Variants in ZDBF2 observed in about 807,000 individuals in gnomAD.
ZDBF2 encodes the protein zinc finger DBF-type containing 2.
In ZDBF2, 6 loss-of-function variants were observed where a neutral mutation model predicts 9.4. The ratio of observed to expected loss-of-function variants is 0.64; its 90% CI spans 0.35 to 1.27. The LOEUF (loss-of-function observed/expected upper bound fraction) is 1.27. ZDBF2 is among the 50% of genes most tolerant of loss of function. ZDBF2 has a pLI of 0.03. For synonymous variants in ZDBF2, 905 were observed against 946.3 expected (o/e 0.96, Z 0.80); for missense variants, 2,697 against 2,766.8 (o/e 0.97, Z 0.57).
Position 206,310,905 on chromosome 2 carries a change from C to T in ZDBF2, c.6377C>T (p.Ser2126Phe), listed in dbSNP as rs1559163082. Residue 2126 changes from serine (S) to phenylalanine (F), a missense_variant, in exon 5 of 5, where the codon TCT becomes TTT. Ser to Phe is a radical substitution (Grantham distance 155, BLOSUM62 -2). Transcript: ENST00000374423. ...FNSHQGTSDS[S>F]LFLEESKVLH... ...TCACATCAGGGAACCAGTGACTCTT[C>T]TCTGTTTCTGGAAGAATCAAAGGTT... The T allele has an allele frequency of 1.2e-6, 2 of 1,613,890 alleles. No individual in the cohort carries two copies. The highest frequency in any genetic ancestry group is 2.2e-5 in the East Asian group (1 of 44,878).
chr2:206,277,475 T>C (rs1410717392), intron 1 of ZDBF2, among the ~76,000 whole-genome samples: 1 of 152,102 alleles, frequency 6.6e-6, no homozygotes, highest in Non-Finnish European at 1.5e-5. Context: ...AACATAGTCA[T>C]TTTTTAAAAA....
intron 3 of ZDBF2, among the ~76,000 whole-genome samples, chr2:206,296,692 T>C (rs1692196037): frequency 6.6e-6 from 1 of 152,212 alleles, no homozygotes; most frequent in South Asian, 2.1e-4. Flanking sequence ...ACCATACGTG[T>C]GGTTTTTGCA....
At position 206,279,589 on chromosome 2, in the gene ZDBF2, C is replaced by G. The variant is rs1430850716; in HGVS notation, c.-53C>G. 1 of 151,960 alleles carries G rather than the reference C, an allele frequency of 6.6e-6. No individual in the cohort carries two copies. Among genetic ancestry groups the G allele is most frequent in the African/African-American group, 2.4e-5 (1 of 41,344 alleles). The allele number at this position is 151,960 out of a possible 1,614,324, so 9.4% of individuals were successfully genotyped here. A position where few individuals can be genotyped will look rare whatever the true frequency, so the allele number is the denominator to read the frequency against. Reference sequence around the variant, plus strand: ...GATGAAATACCTGACCTTTTCTGCTCCAGGTAAATAATTTTTTACTTTATA... The same window carrying G: ...GATGAAATACCTGACCTTTTCTGCTGCAGGTAAATAATTTTTTACTTTATA... On this transcript the variant is annotated 5_prime_UTR_variant, in exon 2 of 5. Transcript: ENST00000374423.
chr2:206,305,496 A>G lies in ZDBF2; in HGVS notation c.968A>G (p.Glu323Gly), dbSNP rs750079418. Reference sequence around the variant, plus strand: ...ATGCCTTCTAATAAAGGAATCTTTGAAGATACTATTGCAAAGAACCATGAG... The same window carrying G: ...ATGCCTTCTAATAAAGGAATCTTTGGAGATACTATTGCAAAGAACCATGAG... ...TDMPSNKGIFEDTIAKNHEEF... is the reference protein window; with the variant it reads ...TDMPSNKGIFGDTIAKNHEEF... Residue 323 changes from glutamate (E) to glycine (G), a missense_variant, in exon 5 of 5, where the codon GAA (glutamate) becomes GGA (glycine). Transcript: ENST00000374423. The G allele has an allele frequency of 6.2e-7, 1 of 1,612,962 alleles. No homozygotes were observed. The highest frequency in any genetic ancestry group is 8.5e-7 in the Non-Finnish European group (1 of 1,179,624).
chr2:206,281,201 GA>G (rs544828415), intron 2 of ZDBF2, among the ~76,000 whole-genome samples: 219 of 152,152 alleles, frequency 1.4e-3, no homozygotes, highest in Non-Finnish European at 2.8e-3. Context: ...ACAGTAATAG[GA>G]AAAAAATCCC....
In ZDBF2 at chr2:206,290,428, A is replaced by G. The variant is rs953710358; in HGVS notation, c.61-6818A>G. 2.2e-4 allele frequency among the ~76,000 whole-genome samples: 33 copies of G among 152,250 alleles called. 1 individual carries two copies. The highest frequency in any genetic ancestry group is 2.0e-4 in the Admixed American group (3 of 15,286). ...CTGATAGGGATTGTGTTGAATCTGT[A>G]GATACATTCATGGGGAATGTATATC... is the stretch of plus-strand genomic sequence containing the variant. On this transcript the variant is annotated intron_variant, in intron 3 of 4. Transcript: ENST00000374423.
Position 206,305,643 on chromosome 2 carries a change from A to T in ZDBF2, c.1115A>T (p.Gln372Leu). 1 of 1,613,732 alleles carries T rather than the reference A, an allele frequency of 6.2e-7. No homozygotes were observed. Among genetic ancestry groups the T allele is most frequent in the Non-Finnish European group, 8.5e-7 (1 of 1,179,792 alleles). Residue 372 changes from glutamine to leucine, a missense_variant, in exon 5 of 5, where the codon CAG becomes CTG. Physicochemically the swap from Gln to Leu is moderately radical, Grantham distance 113 (BLOSUM62 -2). This residue lies in a region of ZDBF2 where 910 missense variants were observed against 973.6 expected (regional missense o/e 0.93). Transcript: ENST00000374423. ...ATGAAGTTTGATTGTATCTCTCTTC[A>T]GTCAGCATCTGATCAGCCCCAAGAG... ...SEMKFDCISL[Q>L]SASDQPQETA...
At chr2:206,276,482 A>G (rs958382765) in intron 1 of ZDBF2, among the ~76,000 whole-genome samples, 2 of 152,214 alleles carry the variant, frequency 1.3e-5, no homozygotes, top group Non-Finnish European at 2.9e-5. Context: ...TTTCTTTGGA[A>G]TAGTGGTGAT....
intron 4 of ZDBF2, 134 bp downstream of exon 4, chr2:206,297,507 T>A: frequency 1.1e-6 from 1 of 883,484 alleles, no homozygotes; most frequent in Non-Finnish European, 1.7e-6. Flanking sequence ...TAACTTTCAT[T>A]TGCAATTTAA....
Position 206,314,263 on chromosome 2 carries a change from C to CTTTTTTTTTT in ZDBF2, c.*2678_*2687dup. On this transcript the variant is annotated 3_prime_UTR_variant, in exon 5 of 5. Transcript: ENST00000374423. Reference sequence around the variant, plus strand: ...TATGTAACTAGGGCTGTGAGTAACACTTTTTTTTTTTTTTTTTGGTTAAAG... The same window carrying CTTTTTTTTTT: ...TATGTAACTAGGGCTGTGAGTAACACTTTTTTTTTTTTTTTTTTTTTTTTTTTGGTTAAAG... The CTTTTTTTTTT allele has an allele frequency of 7.7e-6, 1 of 129,790 alleles. No homozygotes were observed. Among genetic ancestry groups the CTTTTTTTTTT allele is most frequent in the Non-Finnish European group, 1.6e-5 (1 of 62,192 alleles). The allele number at this position is 129,790 out of a possible 1,614,324, so 8.0% of individuals were successfully genotyped here.
intron 4 of ZDBF2, among the ~76,000 whole-genome samples, chr2:206,297,676 T>G (rs1246639052): frequency 3.3e-5 from 5 of 152,078 alleles, no homozygotes; most frequent in Admixed American, 6.6e-5. Context: ...AAGAGATAGT[T>G]TTTTTTGTTT....
Position 206,306,814 on chromosome 2 carries a change from T to C in ZDBF2, c.2286T>C (p.Thr762=), listed in dbSNP as rs764612538. The change falls in exon 5 of 5, where the codon ACT becomes ACC. Residue 762 remains threonine, a synonymous_variant. Transcript: ENST00000374423. The part of the protein sequence containing the change: ...FDSDPPLLSV[T]EQSHLDAEGK... ...CTGACCCGCCTCTTCTGTCAGTTAC[T>C]GAGCAGTCTCATCTGGATGCTGAAG... 1 of 1,613,926 alleles carries C rather than the reference T, an allele frequency of 6.2e-7. No individual in the cohort carries two copies. Among genetic ancestry groups the C allele is most frequent in the African/African-American group, 1.3e-5 (1 of 75,058 alleles).
At chr2:206,280,200 T>A (rs2105896423) in intron 2 of ZDBF2, among the ~76,000 whole-genome samples, 1 of 152,334 alleles carries the variant, frequency 6.6e-6, no homozygotes, top group Non-Finnish European at 1.5e-5. Flanking sequence ...GGTCCTGGCA[T>A]GTTAATTTTT....
rs1693142381 is a variant in ZDBF2 at position 206,310,936 on chromosome 2, TGCTCGTGA to T, written c.6412_6419del (p.Arg2138SerfsTer14). The T allele has an allele frequency of 2.2e-5, 36 of 1,613,946 alleles. No homozygotes were observed. Among genetic ancestry groups the T allele is most frequent in the Non-Finnish European group, 3.1e-5 (36 of 1,179,884 alleles). The stretch of plus-strand genomic sequence containing the variant: ...TTCTGGAAGAATCAAAGGTTCTGCA[TGCTCGTGA>T]GCTTCCAAAGAAAAGAAATTTCCAG... On this transcript the variant is annotated frameshift_variant, in exon 5 of 5. Transcript: ENST00000374423. LOFTEE classifies it low-confidence loss of function (END_TRUNC).
intron 3 of ZDBF2, among the ~76,000 whole-genome samples, chr2:206,285,707 C>T (rs779116629): frequency 9.2e-5 from 14 of 152,092 alleles, no homozygotes; most frequent in Non-Finnish European, 8.8e-5. Flanking sequence ...AGGTCTTTTC[C>T]GTAAAATCTT....
chr2:206,310,348 GA>G lies in ZDBF2; in HGVS notation c.5824del (p.Ile1942SerfsTer14). 6.2e-7 allele frequency: 1 copy of G among 1,613,836 alleles called. No individual in the cohort carries two copies. The highest frequency in any genetic ancestry group is 8.5e-7 in the Non-Finnish European group (1 of 1,179,872). ...GTGTGGCTTCTCAATGCCAGACAGC[GA>G]AAATCAGCCATAGTACTCAGACCAG... ...GRVASQCQTA[K>X]ISHSTQTSCK... On this transcript the variant is annotated frameshift_variant, in exon 5 of 5. Coordinates refer to ENST00000374423, the MANE Select transcript of ZDBF2 (RefSeq NM_020923.3). LOFTEE classifies it low-confidence loss of function (END_TRUNC).
intron 4 of ZDBF2, among the ~76,000 whole-genome samples, chr2:206,304,401 A>G (rs1042793660): frequency 1.3e-5 from 2 of 152,218 alleles, no homozygotes; most frequent in Non-Finnish European, 2.9e-5. Context: ...GAAGCATACA[A>G]AGTTAAGTAA....
intron 3 of ZDBF2, among the ~76,000 whole-genome samples, chr2:206,292,986 G>A (rs995957275): frequency 3.3e-5 from 5 of 151,776 alleles, no homozygotes; most frequent in African/African-American, 1.2e-4. Flanking sequence ...AATAAATGTG[G>A]GAAAGTAAAA....
chr2:206,307,536 A>T lies in ZDBF2; in HGVS notation c.3008A>T (p.Asp1003Val). 2 of 1,613,862 alleles carry T rather than the reference A, an allele frequency of 1.2e-6. No individual in the cohort carries two copies. Among genetic ancestry groups the T allele is most frequent in the Non-Finnish European group, 8.5e-7 (1 of 1,179,786 alleles). Residue 1003 changes from aspartate to valine, a missense_variant, in exon 5 of 5, where the codon GAT becomes GTT. This residue lies in a region of ZDBF2 where 1,783 missense variants were observed against 1,776.5 expected (regional missense o/e 1.00). Transcript: ENST00000374423. ...TTCAGTGGTTCAAAAACAAGTTTAG[A>T]TTCTGGTGTCCCTCATTATTCAGTA... ...TEFSGSKTSL[D>V]SGVPHYSVTE...
Sources: gnomAD v4.1 joint callset for allele counts (sites outside exome capture counted in the v4.1 genomes callset) on GRCh38, gnomAD v4.1.1 for gene constraint, gnomAD v4.1.1 regional missense constraint, MANE v1.5 for transcripts, NCBI Gene and HGNC (gene_info 2026-07-23, HGNC 2026-07-21) for gene names.